Variants in TXNRD1 observed in about 807,000 individuals in gnomAD.
The protein encoded by TXNRD1 is thioredoxin reductase 1, cytoplasmic.
TXNRD1 carries 57 observed loss-of-function variants against 80.3 expected under a neutral mutation model. The ratio of observed to expected loss-of-function variants is 0.71; its 90% CI spans 0.57 to 0.89. TXNRD1 has a LOEUF of 0.89. Ranked by LOEUF, TXNRD1 falls within the 40% of genes least tolerant of loss-of-function variation. The pLI, the probability that TXNRD1 is intolerant of heterozygous loss-of-function variation, is 0.00. For synonymous variants in TXNRD1, 291 were observed against 285.2 expected, an observed-to-expected ratio of 1.02 and a Z score of -0.20; for missense variants, 730 against 803.0, an observed-to-expected ratio of 0.91 and a Z score of 1.10.
At chr12:104,295,745 A>G (rs2034414711) in intron 4 of TXNRD1, among the ~76,000 whole-genome samples, 1 of 152,086 alleles carries the variant, frequency 6.6e-6, no homozygotes, top group Non-Finnish European at 1.5e-5. Flanking sequence ...CTCTGTTCCC[A>G]CGACAATCCC....
chr12:104,293,794 G>C (rs906429885), intron 4 of TXNRD1, among the ~76,000 whole-genome samples: 1 of 152,152 alleles, frequency 6.6e-6, no homozygotes, highest in Non-Finnish European at 1.5e-5. Flanking sequence ...CCACCAATGC[G>C]CGGAGACCGG....
At chr12:104,251,989 A>G (rs1008952789) in intron 2 of TXNRD1, among the ~76,000 whole-genome samples, 2 of 150,322 alleles carry the variant, frequency 1.3e-5, no homozygotes, top group Non-Finnish European at 3.0e-5. Context: ...ACTTGAACCC[A>G]GGAGGCAGAG....
chr12:104,340,910 G>A (rs78629336), intron 16 of TXNRD1, among the ~76,000 whole-genome samples: 10,777 of 152,180 alleles, frequency 0.071, 655 homozygotes, highest in African/African-American at 0.16. Flanking sequence ...AGCCATTTTT[G>A]ATAGGGACGA....
chr12:104,247,290 A>G (rs1256315290), intron 1 of TXNRD1, among the ~76,000 whole-genome samples: 3 of 151,768 alleles, frequency 2.0e-5, no homozygotes, highest in Admixed American at 6.6e-5. Context: ...GTGGTCTCAA[A>G]CTCGTGACCT....
intron 10 of TXNRD1, among the ~76,000 whole-genome samples, chr12:104,323,995 C>T (rs1473968147): frequency 6.6e-6 from 1 of 152,112 alleles, no homozygotes; most frequent in African/African-American, 2.4e-5. Context: ...AAGGAACCTT[C>T]TGTGGAGAGT....
intron 4 of TXNRD1, among the ~76,000 whole-genome samples, chr12:104,303,474 C>T (rs1385811759): frequency 6.6e-6 from 1 of 152,156 alleles, no homozygotes; most frequent in Non-Finnish European, 1.5e-5. Context: ...CTTTAGTCTC[C>T]TCAATAGTTT....
At chr12:104,256,292 C>T (rs79122488) in intron 2 of TXNRD1, among the ~76,000 whole-genome samples, 8,291 of 152,236 alleles carry the variant, frequency 0.054, 271 homozygotes, top group Middle Eastern at 0.14. Flanking sequence ...GGTAGCTTTC[C>T]GCTCTTGCAT....
intron 4 of TXNRD1, chr12:104,303,809 C>A (rs2034750520): frequency 1.8e-5 from 25 of 1,386,958 alleles, no homozygotes; most frequent in African/African-American, 2.9e-5. Flanking sequence ...CTCAGAGATA[C>A]CCGTGGCCGG....
At chr12:104,288,897 C>T (rs1415553687) in intron 3 of TXNRD1, 34 bp from the exon 4 acceptor site, 1 of 1,613,938 alleles carries the variant, frequency 6.2e-7, no homozygotes, top group Admixed American at 1.7e-5. Flanking sequence ...GGAGAAGCAC[C>T]TTACACGCTC....
chr12:104,218,876 G>T (rs1406015292), intron 1 of TXNRD1, among the ~76,000 whole-genome samples: 1 of 152,088 alleles, frequency 6.6e-6, no homozygotes, highest in Non-Finnish European at 1.5e-5. Flanking sequence ...CCAGAGTGCT[G>T]GGATTACAGG....
At chr12:104,305,024 T>G in intron 4 of TXNRD1, 165 of 1,288,612 alleles carry the variant, frequency 1.3e-4, no homozygotes, top group Middle Eastern at 1.9e-4. Flanking sequence ...ATTGTATCTC[T>G]TGTAAAGTGA....
Position 104,321,129 on chromosome 12 carries a change from C to T in TXNRD1, c.1028C>T (p.Thr343Ile), listed in dbSNP as rs368876895. 7.9e-5 allele frequency: 128 copies of T among 1,612,480 alleles called. No individual in the cohort carries two copies. The highest frequency in any genetic ancestry group is 1.0e-4 in the Non-Finnish European group (119 of 1,179,690). The change falls in exon 10 of 17, where the codon ACC becomes ATC. Residue 343 changes from threonine (T) to isoleucine (I), a missense_variant. Transcript: ENST00000525566. Reference protein sequence around the residue: ...LFSLPYCPGKTLVVGASYVAL... With the variant: ...LFSLPYCPGKILVVGASYVAL... ...TCCTTGCCTTACTGCCCGGGTAAGACCCTGGTTGTTGGAGCATCCTATGTC... is the reference window on the plus strand; with the variant it reads ...TCCTTGCCTTACTGCCCGGGTAAGATCCTGGTTGTTGGAGCATCCTATGTC...
At chr12:104,244,690 T>G (rs989023690) in intron 1 of TXNRD1, among the ~76,000 whole-genome samples, 3 of 152,224 alleles carry the variant, frequency 2.0e-5, no homozygotes, top group African/African-American at 7.2e-5. Flanking sequence ...CTAAATAAGG[T>G]TAGAACAAGA....
intron 15 of TXNRD1, among the ~76,000 whole-genome samples, chr12:104,335,181 T>A (rs1565912163): frequency 6.7e-6 from 1 of 149,070 alleles, no homozygotes; most frequent in Non-Finnish European, 1.5e-5. Context: ...AAGAGTACAA[T>A]ATGCAATATA....
chr12:104,270,704 G>C (rs1031221181), intron 3 of TXNRD1, among the ~76,000 whole-genome samples: 1 of 152,038 alleles, frequency 6.6e-6, no homozygotes, highest in Non-Finnish European at 1.5e-5. Context: ...ATCTTAGAAA[G>C]GGCAATGACT....
chr12:104,323,622 CA>C lies in TXNRD1; in HGVS notation c.1216-1714del, dbSNP rs1342917790. ...CTCCCAGACGGGGCGGCTGGCCGGG[CA>C]GGGGGGCTGACCCCCCCACCTCCCT... On this transcript the variant is annotated intron_variant, in intron 10 of 16. Coordinates refer to ENST00000525566, the MANE Select transcript of TXNRD1 (RefSeq NM_001093771.3). Among the ~76,000 whole-genome samples, 43 of 12,656 alleles carry C rather than the reference CA, an allele frequency of 3.4e-3. 12 individuals are homozygous for C. The highest frequency in any genetic ancestry group is 8.5e-3 in the Admixed American group (15 of 1,758). 8.3% of individuals were successfully genotyped at this position (12,656 alleles called of 152,430 possible).
At chr12:104,287,508 A>G in intron 3 of TXNRD1, 1 of 1,600,126 alleles carries the variant, frequency 6.2e-7, no homozygotes, top group Non-Finnish European at 8.5e-7. Context: ...CAGATCCTTG[A>G]GAATATTAAG....
intron 3 of TXNRD1, chr12:104,265,614 C>T (rs1431843915): frequency 3.7e-6 from 6 of 1,607,514 alleles, no homozygotes; most frequent in Admixed American, 1.7e-5. Context: ...ACCTGACCAC[C>T]GCAGGCGCTG....
At chr12:104,249,595 T>C (rs1235150749) in intron 1 of TXNRD1, among the ~76,000 whole-genome samples, 2 of 152,158 alleles carry the variant, frequency 1.3e-5, no homozygotes, top group South Asian at 2.1e-4. Context: ...TTTTATAAAA[T>C]AATACATGTT....
Sources: gnomAD v4.1 joint callset for allele counts (sites outside exome capture counted in the v4.1 genomes callset) on GRCh38, gnomAD v4.1.1 for gene constraint, MANE v1.5 for transcripts, NCBI Gene and HGNC (gene_info 2026-07-23, HGNC 2026-07-21) for gene names.